PRDM6: variants seen among roughly 807,000 people sequenced by gnomAD.
PRDM6 encodes PR/SET domain 6.
Under a neutral mutation model 60.8 loss-of-function variants are expected in PRDM6, and 25 were observed. The ratio of observed to expected loss-of-function variants is 0.41; its 90% CI spans 0.30 to 0.57. PRDM6 has a LOEUF of 0.57. Among genes scored for constraint, PRDM6 ranks in the 20% least tolerant of loss-of-function variants. The pLI, the probability that PRDM6 is intolerant of heterozygous loss-of-function variation, is 0.27. For synonymous variants in PRDM6, 407 were observed against 357.4 expected, an observed-to-expected ratio of 1.14 and a Z score of -1.57; for missense variants, 839 against 821.3, an observed-to-expected ratio of 1.02 and a Z score of -0.26.
intron 3 of PRDM6, among the ~76,000 whole-genome samples, chr5:123,133,524 G>C (rs1764882776): frequency 6.6e-6 from 1 of 152,016 alleles, no homozygotes; most frequent in South Asian, 2.1e-4. Flanking sequence ...ATACAATCCA[G>C]AACTTCAGAG....
At chr5:123,098,338 G>T (rs1210180741) in intron 2 of PRDM6, among the ~76,000 whole-genome samples, 1 of 152,240 alleles carries the variant, frequency 6.6e-6, no homozygotes. Context: ...CTTGCGCGGG[G>T]TCGCCGTGGC....
intron 4 of PRDM6, 31 bp from the exon 5 acceptor site, chr5:123,159,482 TA>T: frequency 1.3e-6 from 2 of 1,548,776 alleles, no homozygotes; most frequent in Non-Finnish European, 1.7e-6. Flanking sequence ...TCCTATGTAT[TA>T]CTAAGCTGGG....
intron 3 of PRDM6, among the ~76,000 whole-genome samples, chr5:123,110,199 T>C (rs565195127): frequency 5.9e-5 from 9 of 151,918 alleles, no homozygotes; most frequent in Non-Finnish European, 1.3e-4. Context: ...TGCCAAAACA[T>C]GTCATAAAGA....
chr5:123,174,219 G>C (rs1765956526), intron 6 of PRDM6, among the ~76,000 whole-genome samples: 1 of 152,122 alleles, frequency 6.6e-6, no homozygotes, highest in South Asian at 2.1e-4. Flanking sequence ...TAACATTTTG[G>C]ATTTTGGAGC....
In PRDM6 at chr5:123,109,958, G is replaced by T. The variant is rs185353733; in HGVS notation, c.900+9997G>T. 1.8e-4 allele frequency among the ~76,000 whole-genome samples: 28 copies of T among 152,292 alleles called. No homozygotes were observed. In the East Asian group the frequency reaches 5.2e-3, roughly 28 times the overall value. On this transcript the variant is annotated intron_variant, in intron 3 of 7. Transcript: ENST00000407847. ...ATTCTGAATAGAAGATCATCTCAGTGTCCAGAGTATTGTGACCTGTCCATA... is the reference window on the plus strand; with the variant it reads ...ATTCTGAATAGAAGATCATCTCAGTTTCCAGAGTATTGTGACCTGTCCATA...
At chr5:123,176,720 T>TA (rs1472326778) in intron 6 of PRDM6, among the ~76,000 whole-genome samples, 6 of 151,930 alleles carry the variant, frequency 3.9e-5, no homozygotes, top group Non-Finnish European at 4.4e-5. Context: ...CTCAAAAAAT[T>TA]AAAAAAATTA....
chr5:123,099,299 A>G lies in PRDM6; in HGVS notation c.593-355A>G, dbSNP rs1764036063. Among the ~76,000 whole-genome samples, 1 of 152,196 alleles carries G rather than the reference A, an allele frequency of 6.6e-6. No homozygotes were observed. Among genetic ancestry groups the G allele is most frequent in the Admixed American group, 6.5e-5 (1 of 15,284 alleles). On this transcript the variant is annotated intron_variant, in intron 2 of 7. Coordinates refer to ENST00000407847, the MANE Select transcript of PRDM6 (RefSeq NM_001136239.4). The surrounding 1 kb of genome is among the most constrained non-coding windows in gnomAD (Gnocchi z 4.0). ...CAGTAGGGAAGAGAGAGAGAGAGAC[A>G]GAGACAGAGGGAGAGATGCAGAGAG... is the stretch of plus-strand genomic sequence containing the variant.
Position 123,193,168 on chromosome 5 carries a change from C to T in PRDM6, c.*5967C>T, listed in dbSNP as rs1254656950. ...TTTGTTGAAATGATAAATATATTTT[C>T]CTTGTCAAACATGGTGGGTCCTGGT... On this transcript the variant is annotated 3_prime_UTR_variant, in exon 8 of 8. Coordinates refer to ENST00000407847, the MANE Select transcript of PRDM6 (RefSeq NM_001136239.4). The T allele has an allele frequency of 6.6e-6, 1 of 152,128 alleles. No homozygotes were observed. The highest frequency in any genetic ancestry group is 1.5e-5 in the Non-Finnish European group (1 of 68,018). 9.4% of individuals were successfully genotyped at this position (152,128 alleles called of 1,614,324 possible).
At chr5:123,146,752 C>A (rs1249299612) in intron 3 of PRDM6, among the ~76,000 whole-genome samples, 1 of 152,064 alleles carries the variant, frequency 6.6e-6, no homozygotes, top group Non-Finnish European at 1.5e-5. Context: ...TGATCCCCTT[C>A]CATCTCAGCA....
At chr5:123,104,716 TGTATCTCTCTGGC>T (rs887021630) in intron 3 of PRDM6, among the ~76,000 whole-genome samples, 6 of 152,212 alleles carry the variant, frequency 3.9e-5, no homozygotes, top group African/African-American at 1.4e-4. Flanking sequence ...TAACAGCTGG[TGTATCTCTCTGGC>T]TTTGCCTCAT....
chr5:123,143,946 A>G (rs898422730), intron 3 of PRDM6, among the ~76,000 whole-genome samples: 2 of 152,166 alleles, frequency 1.3e-5, no homozygotes, highest in Admixed American at 6.5e-5. Context: ...AGGGGATCCA[A>G]TTTAGAGTTG....
chr5:123,157,829 C>T (rs1329600315), intron 4 of PRDM6, among the ~76,000 whole-genome samples: 5 of 152,146 alleles, frequency 3.3e-5, no homozygotes, highest in South Asian at 2.1e-4. Flanking sequence ...CTTAGCTGAA[C>T]GTTTTGTTTT....
intron 3 of PRDM6, among the ~76,000 whole-genome samples, chr5:123,151,462 C>T (rs768695212): frequency 6.6e-6 from 1 of 152,148 alleles, no homozygotes; most frequent in African/African-American, 2.4e-5. Flanking sequence ...GGCCTCAGCA[C>T]ACTCCCAGAT....
chr5:123,121,959 C>T (rs867714434), intron 3 of PRDM6, among the ~76,000 whole-genome samples: 8 of 149,876 alleles, frequency 5.3e-5, no homozygotes, highest in African/African-American at 9.8e-5. Flanking sequence ...GTCAGGAGTT[C>T]GAGACCAGCC....
intron 3 of PRDM6, among the ~76,000 whole-genome samples, chr5:123,100,309 G>A (rs1363470397): frequency 6.6e-6 from 1 of 152,216 alleles, no homozygotes; most frequent in East Asian, 1.9e-4. Flanking sequence ...AAACAGCTGA[G>A]GAGATGGAGC....
chr5:123,138,403 A>G (rs1765017753), intron 3 of PRDM6, among the ~76,000 whole-genome samples: 1 of 152,242 alleles, frequency 6.6e-6, no homozygotes. Flanking sequence ...CATGCATATG[A>G]GCATTTACTC....
chr5:123,114,103 G>C (rs1764377515), intron 3 of PRDM6, among the ~76,000 whole-genome samples: 1 of 152,164 alleles, frequency 6.6e-6, no homozygotes, highest in African/African-American at 2.4e-5. Context: ...CCGCCAGAAA[G>C]ATTAGGGAAG....
chr5:123,094,716 C>T (rs1470322561), intron 2 of PRDM6, among the ~76,000 whole-genome samples: 1 of 152,086 alleles, frequency 6.6e-6, no homozygotes, highest in Non-Finnish European at 1.5e-5. Flanking sequence ...TGGAGCCAGC[C>T]CAGACCCGCT....
At position 123,100,078 on chromosome 5, in the gene PRDM6, G is replaced by C. The variant is rs1033080791; in HGVS notation, c.900+117G>C. On this transcript the variant is annotated intron_variant, in intron 3 of 7. Coordinates refer to ENST00000407847, the MANE Select transcript of PRDM6 (RefSeq NM_001136239.4). ...GGCAACTGCGAAGAGAGCCTCCCTT[G>C]GCCCCCAGAGGGTAGCGGAGAATAG... 3 of 1,072,074 alleles carry C rather than the reference G, an allele frequency of 2.8e-6. No individual in the cohort carries two copies. In the African/African-American group the frequency reaches 4.8e-5, roughly 17 times the overall value. 66.4% of individuals were successfully genotyped at this position (1,072,074 alleles called of 1,614,324 possible).
Sources: gnomAD v4.1 joint callset for allele counts (sites outside exome capture counted in the v4.1 genomes callset) on GRCh38, gnomAD v4.1.1 for gene constraint, Gnocchi (gnomAD v3.1) non-coding constraint, MANE v1.5 for transcripts, NCBI Gene and HGNC (gene_info 2026-07-23, HGNC 2026-07-21) for gene names.